Variants in FBLN1 observed in about 807,000 individuals in gnomAD.
FBLN1 encodes fibulin 1, also known as fibulin-1.
FBLN1 carries 34 observed loss-of-function variants against 89.7 expected under a neutral mutation model. The ratio of observed to expected loss-of-function variants is 0.38; its 90% CI spans 0.29 to 0.50. The LOEUF (loss-of-function observed/expected upper bound fraction) is 0.50. FBLN1 is among the 20% of genes least tolerant of loss of function. The pLI is 0.92. For missense variants in FBLN1, 777 were observed against 988.1 expected, an observed-to-expected ratio of 0.79 and a Z score of 2.86; for synonymous variants, 393 against 391.3, an observed-to-expected ratio of 1.00 and a Z score of -0.05.
chr22:45,563,560 T>C lies in FBLN1; in HGVS notation c.1698-10951T>C, dbSNP rs1314133169. ...CGACAGGGAGGCCAGGCCGGGTACA[T>C]CATTTCACATGTGTTAACTTGTCTT... On this transcript the variant is annotated intron_variant, in intron 14 of 16. Transcript: ENST00000327858. The surrounding 1 kb of genome is among the most constrained non-coding windows in gnomAD (Gnocchi z 5.7). Among the ~76,000 whole-genome samples the C allele has an allele frequency of 6.6e-6, 1 of 152,188 alleles. No individual in the cohort carries two copies. The highest frequency in any genetic ancestry group is 1.5e-5 in the Non-Finnish European group (1 of 68,032).
intron 2 of FBLN1, among the ~76,000 whole-genome samples, chr22:45,524,909 A>T (rs1213481659): frequency 2.0e-5 from 3 of 151,958 alleles, no homozygotes; most frequent in Non-Finnish European, 4.4e-5. Context: ...ACACAGTGAA[A>T]CCCCGTCTCT....
At position 45,533,094 on chromosome 22, in the gene FBLN1, C is replaced by T; in HGVS notation, c.576C>T (p.Asp192=). 1 of 1,614,208 alleles carries T rather than the reference C, an allele frequency of 6.2e-7. No individual in the cohort carries two copies. The highest frequency in any genetic ancestry group is 8.5e-7 in the Non-Finnish European group (1 of 1,180,034). The part of the protein sequence containing the change: ...GGGPCKQQCR[D]TGDEVVCSCF... ...GGCCCTGCAAGCAGCAGTGCCGAGA[C>T]ACGGGTGACGAGGTGGTCTGCTCCT... The change falls in exon 6 of 17, where the codon GAC becomes GAT. Residue 192 remains aspartate (D), a synonymous_variant. Transcript: ENST00000327858.
rs1233245559 is a variant in FBLN1 at position 45,543,271 on chromosome 22, T to C, written c.1196-130T>C. 9 of 1,165,426 alleles carry C rather than the reference T, an allele frequency of 7.7e-6. No individual in the cohort carries two copies. The South Asian group carries it at 7.8e-5, about 10-fold the overall frequency. The allele number at this position is 1,165,426 out of a possible 1,614,324, so 72.2% of individuals were successfully genotyped here. Reference sequence around the variant, plus strand: ...ACAGAGCGAGACTCCATCTCAAAGATGAAGGAAAAAAAAGAAATGAGGCTG... The same window carrying C: ...ACAGAGCGAGACTCCATCTCAAAGACGAAGGAAAAAAAAGAAATGAGGCTG... On this transcript the variant is annotated intron_variant, in intron 10 of 16. Transcript: ENST00000327858.
Position 45,550,838 on chromosome 22 carries a change from TC to T in FBLN1, c.1697+224del. 1 of 632,172 alleles carries T rather than the reference TC, an allele frequency of 1.6e-6. No homozygotes were observed. Among genetic ancestry groups the T allele is most frequent in the South Asian group, 1.8e-5 (1 of 55,794 alleles). 39.2% of individuals were successfully genotyped at this position (632,172 alleles called of 1,614,324 possible). A position where few individuals can be genotyped will look rare whatever the true frequency, so the allele number is the denominator to read the frequency against. On this transcript the variant is annotated intron_variant, in intron 14 of 16. Coordinates refer to ENST00000327858, the MANE Select transcript of FBLN1 (RefSeq NM_006486.3). This position sits in a 1 kb window ranked among gnomAD's most constrained non-coding sequence, Gnocchi z 8.4. The stretch of plus-strand genomic sequence containing the variant: ...CTGCAAATGAGTCTGGGGTCTATAG[TC>T]ATGTTTTCAGGCCAAGGCTGTGCAC...
rs1455589173 is a variant in FBLN1 at position 45,580,616 on chromosome 22, G to A, written c.1972+3508G>A. On this transcript the variant is annotated intron_variant, in intron 16 of 16. Transcript: ENST00000327858. This position sits in a 1 kb window ranked among gnomAD's most constrained non-coding sequence, Gnocchi z 8.6. ...TTTGCCCGAGGCCACTCAGAGCTGG[G>A]GCCAGAGCGGGCCTGGAGCCCGGTC... Among the ~76,000 whole-genome samples, 1 of 152,216 alleles carries A rather than the reference G, an allele frequency of 6.6e-6. No individual in the cohort carries two copies. The highest frequency in any genetic ancestry group is 1.5e-5 in the Non-Finnish European group (1 of 68,026).
In FBLN1 at chr22:45,562,971, T is replaced by A; in HGVS notation, c.1698-11540T>A. The stretch of plus-strand genomic sequence containing the variant: ...GAGTGCTCCAAGCTGCCTCTGAGAA[T>A]AACCTACTACCACCTCTCTTTCCCC... On this transcript the variant is annotated intron_variant, in intron 14 of 16. Transcript: ENST00000327858. This position sits in a 1 kb window ranked among gnomAD's most constrained non-coding sequence, Gnocchi z 7.8. 1.9e-6 allele frequency: 3 copies of A among 1,613,994 alleles called. No homozygotes were observed. The highest frequency in any genetic ancestry group is 2.5e-6 in the Non-Finnish European group (3 of 1,180,012).
rs899810179 is a variant in FBLN1, at chr22:45,561,168, G to A, written c.1697+10553G>A. On this transcript the variant is annotated intron_variant, in intron 14 of 16. Coordinates refer to ENST00000327858, the MANE Select transcript of FBLN1 (RefSeq NM_006486.3). The surrounding 1 kb of genome is among the most constrained non-coding windows in gnomAD (Gnocchi z 4.7). ...CTCACTTTAACAGCAGACACCTGGC[G>A]AGGCTGTGCATGCATCTTTCATTGC... Among the ~76,000 whole-genome samples, 5 of 152,150 alleles carry A rather than the reference G, an allele frequency of 3.3e-5. No homozygotes were observed. The highest frequency in any genetic ancestry group is 6.5e-5 in the Admixed American group (1 of 15,276).
In FBLN1 at chr22:45,512,235, G is replaced by A. The variant is rs151112421; in HGVS notation, c.80-6447G>A. 5.1e-3 allele frequency among the ~76,000 whole-genome samples: 783 copies of A among 152,196 alleles called. 3 individuals carry two copies. Among genetic ancestry groups the A allele is most frequent in the South Asian group, 8.7e-3 (42 of 4,826 alleles). ...CCACATTATCCTCCTGACTCACAGT[G>A]TTCCAGGGCTGCTCAGCTGCCCTAG... On this transcript the variant is annotated intron_variant, in intron 1 of 16. Coordinates refer to ENST00000327858, the MANE Select transcript of FBLN1 (RefSeq NM_006486.3).
At position 45,598,585 on chromosome 22, in the gene FBLN1, C is replaced by G. The variant is rs1336199384; in HGVS notation, c.1973-1722C>G. Among the ~76,000 whole-genome samples, 4 of 152,214 alleles carry G rather than the reference C, an allele frequency of 2.6e-5. No homozygotes were observed. The East Asian group carries it at 7.7e-4, about 29-fold the overall frequency. ...CCTGTCCTGACTCCCCAGCCCTCCC[C>G]ACCTCCATTCTCGCCCCCGCTGGAC... is the stretch of plus-strand genomic sequence containing the variant. On this transcript the variant is annotated intron_variant, in intron 16 of 16. Transcript: ENST00000327858.
chr22:45,504,381 C>G (rs1345574921), intron 1 of FBLN1, among the ~76,000 whole-genome samples: 1 of 152,128 alleles, frequency 6.6e-6, no homozygotes, highest in Non-Finnish European at 1.5e-5. Flanking sequence ...TCAGTGTTGG[C>G]ACCAGGAGCC....
intron 2 of FBLN1, 40 bp from the exon 3 acceptor site, chr22:45,525,502 CT>C (rs1219561142): frequency 1.2e-5 from 19 of 1,547,390 alleles, no homozygotes; most frequent in Non-Finnish European, 1.7e-5. Flanking sequence ...CCTGGGCCCC[CT>C]GCGCACAGAG....
chr22:45,577,548 T>C lies in FBLN1; in HGVS notation c.1972+440T>C, dbSNP rs774874705. On this transcript the variant is annotated intron_variant, in intron 16 of 16. Transcript: ENST00000327858. The surrounding 1 kb of genome is among the most constrained non-coding windows in gnomAD (Gnocchi z 6.6). ...ATAGCAAAGTAGGAATCAGAGGGCC[T>C]GAGCTCTGGTCTCTCAGCCTTGGAA... Among the ~76,000 whole-genome samples the C allele has an allele frequency of 2.0e-5, 3 of 152,232 alleles. No homozygotes were observed. Among genetic ancestry groups the C allele is most frequent in the Non-Finnish European group, 4.4e-5 (3 of 68,042 alleles).
intron 14 of FBLN1, chr22:45,565,380 G>A (rs373741170): frequency 1.1e-5 from 10 of 952,170 alleles, no homozygotes; most frequent in Admixed American, 3.6e-5. Context: ...CTGGCCCCAC[G>A]GGGAGGCTTG....
chr22:45,523,340 C>T, intron 2 of FBLN1: 5 of 526,176 alleles, frequency 9.5e-6, no homozygotes, highest in Non-Finnish European at 1.4e-5. Context: ...GGGGGTGAGC[C>T]TGAGGCAGCT....
At chr22:45,585,446 G>A (rs773760517) in intron 16 of FBLN1, among the ~76,000 whole-genome samples, 41 of 152,320 alleles carry the variant, frequency 2.7e-4, no homozygotes, top group African/African-American at 9.6e-4. Flanking sequence ...AGTTTGGCCC[G>A]GGATCAGTAC....
chr22:45,507,237 A>G (rs1013114349), intron 1 of FBLN1, among the ~76,000 whole-genome samples: 11 of 152,076 alleles, frequency 7.2e-5, no homozygotes, highest in African/African-American at 2.4e-4. Flanking sequence ...GGTGGGAGGG[A>G]GCGAGGCACC....
At chr22:45,526,556 T>C (rs136727) in intron 3 of FBLN1, among the ~76,000 whole-genome samples, 4 of 151,938 alleles carry the variant, frequency 2.6e-5, no homozygotes, top group African/African-American at 9.7e-5. Context: ...TCCCGTTCCT[T>C]TTAGGAAGGT....
At position 45,590,468 on chromosome 22, in the gene FBLN1, T is replaced by G. The variant is rs1354335858; in HGVS notation, c.1973-9839T>G. Among the ~76,000 whole-genome samples the G allele has an allele frequency of 6.6e-6, 1 of 152,274 alleles. No individual in the cohort carries two copies. Among genetic ancestry groups the G allele is most frequent in the East Asian group, 1.9e-4 (1 of 5,176 alleles). ...GACGGGGCCGTGGGCCTCAGCAAGA[T>G]GCGTCTCACCTGCTGTGAGCCCGGG... On this transcript the variant is annotated intron_variant, in intron 16 of 16. Transcript: ENST00000327858. The surrounding 1 kb of genome is among the most constrained non-coding windows in gnomAD (Gnocchi z 4.1).
chr22:45,525,796 T>C, intron 3 of FBLN1, 118 bp downstream of exon 3: 1 of 1,366,482 alleles, frequency 7.3e-7, no homozygotes, highest in Non-Finnish European at 1.0e-6. Flanking sequence ...CCTTTCTTTG[T>C]GAGCAGCTGG....
Sources: gnomAD v4.1 joint callset for allele counts (sites outside exome capture counted in the v4.1 genomes callset) on GRCh38, gnomAD v4.1.1 for gene constraint, Gnocchi (gnomAD v3.1) non-coding constraint, MANE v1.5 for transcripts, NCBI Gene and HGNC (gene_info 2026-07-23, HGNC 2026-07-21) for gene names.